Variants in DUSP22 observed in about 807,000 individuals in gnomAD.
DUSP22 encodes the protein dual specificity protein phosphatase 22.
In DUSP22, 24 loss-of-function variants were observed where a neutral mutation model predicts 24.5. The observed-to-expected ratio is 0.98, with a 90% confidence interval of 0.71 to 1.38. DUSP22 has a LOEUF of 1.38. DUSP22 is among the 40% of genes most tolerant of loss of function. The pLI is 0.00. For synonymous variants in DUSP22, 160 were observed against 106.4 expected (o/e 1.50, Z -3.10); for missense variants, 330 against 269.2 (o/e 1.23, Z -1.58).
chr6:309,459 C>G (rs1278731753), intron 2 of DUSP22, among the ~76,000 whole-genome samples: 1 of 152,304 alleles, frequency 6.6e-6, no homozygotes, highest in Non-Finnish European at 1.5e-5. Context: ...GAATTTGAAG[C>G]CTGAGAGGTT....
At chr6:337,635 T>C (rs1477559336) in intron 4 of DUSP22, among the ~76,000 whole-genome samples, 1 of 152,298 alleles carries the variant, frequency 6.6e-6, no homozygotes, top group Non-Finnish European at 1.5e-5. Flanking sequence ...CTTTTTAAAA[T>C]ACGTATAGAT....
intron 3 of DUSP22, among the ~76,000 whole-genome samples, chr6:330,187 C>T (rs925008459): frequency 6.6e-5 from 10 of 152,412 alleles, no homozygotes; most frequent in East Asian, 3.9e-4. Flanking sequence ...GATGAGAAAC[C>T]GGGGCTTCTA....
chr6:301,884 G>A (rs1757596011), intron 1 of DUSP22, among the ~76,000 whole-genome samples: 1 of 152,302 alleles, frequency 6.6e-6, no homozygotes, highest in Non-Finnish European at 1.5e-5. Flanking sequence ...ACATTAGAAT[G>A]TAGAGACGGT....
chr6:343,060 G>T (rs997054424), intron 4 of DUSP22, among the ~76,000 whole-genome samples: 15 of 150,506 alleles, frequency 1.0e-4, no homozygotes, highest in Non-Finnish European at 1.9e-4. Flanking sequence ...TTGGCTTTGC[G>T]GCCTGGCTGT....
At position 349,815 on chromosome 6, in the gene DUSP22, A is replaced by T. The variant is rs2127425244; in HGVS notation, c.*864A>T. On this transcript the variant is annotated 3_prime_UTR_variant, in exon 7 of 7. Transcript: ENST00000419235. ...GTTCTACTTGGTGTTTGTTCTCTGG[A>T]GCTGATTGCACTTGAGCTCTGTGGT... 2.0e-6 allele frequency: 2 copies of T among 985,904 alleles called. No homozygotes were observed. The highest frequency in any genetic ancestry group is 3.5e-5 in the African/African-American group (2 of 57,406). 61.1% of individuals were successfully genotyped at this position (985,904 alleles called of 1,614,324 possible).
chr6:317,592 T>C (rs1758391142), intron 3 of DUSP22, among the ~76,000 whole-genome samples: 1 of 152,302 alleles, frequency 6.6e-6, no homozygotes, highest in Non-Finnish European at 1.5e-5. Flanking sequence ...GTACTCTCAG[T>C]TGGGCCATGA....
chr6:308,549 T>C (rs991315791), intron 2 of DUSP22, among the ~76,000 whole-genome samples: 1 of 152,306 alleles, frequency 6.6e-6, no homozygotes, highest in Non-Finnish European at 1.5e-5. Context: ...AGTGCTTCCC[T>C]GTGCTTTGGA....
chr6:311,742 A>T, intron 2 of DUSP22, 138 bp from the exon 3 acceptor site: 2 of 898,732 alleles, frequency 2.2e-6, no homozygotes, highest in Non-Finnish European at 3.3e-6. Flanking sequence ...TAAGTTTCCT[A>T]CATGTATGGT....
intron 3 of DUSP22, among the ~76,000 whole-genome samples, chr6:333,410 C>G (rs971219892): frequency 5.3e-5 from 8 of 152,308 alleles, no homozygotes; most frequent in Non-Finnish European, 1.2e-4. Context: ...TGATTTAAAG[C>G]TGGAAACAAA....
intron 1 of DUSP22, among the ~76,000 whole-genome samples, chr6:297,995 C>G (rs1251715305): frequency 6.6e-6 from 1 of 152,306 alleles, no homozygotes; most frequent in African/African-American, 2.4e-5. Flanking sequence ...CCATGCAGAT[C>G]AGTCCCAGGC....
rs761403779 is a variant in DUSP22, at chr6:348,808, T to C, written c.475T>C (p.Leu159=). The change falls in exon 7 of 7, where the codon TTG becomes CTG. Residue 159 remains leucine, a synonymous_variant. Coordinates refer to ENST00000419235, the MANE Select transcript of DUSP22 (RefSeq NM_001286555.3). ...GAAGGAAGAATATGGAGAGAGCCCT[T>C]TGCAGGATGCAGAAGAAGCCAAAAA... is the stretch of plus-strand genomic sequence containing the variant. ...WLKEEYGESP[L]QDAEEAKNIL... The C allele has an allele frequency of 6.2e-7, 1 of 1,614,314 alleles. No individual in the cohort carries two copies. Among genetic ancestry groups the C allele is most frequent in the Non-Finnish European group, 8.5e-7 (1 of 1,180,058 alleles).
chr6:329,084 T>C (rs1198889181), intron 3 of DUSP22, among the ~76,000 whole-genome samples: 1 of 152,424 alleles, frequency 6.6e-6, no homozygotes, highest in East Asian at 1.9e-4. Flanking sequence ...CATTCTCTTA[T>C]GCTTTCTGTG....
chr6:321,576 G>C (rs1201507015), intron 3 of DUSP22, among the ~76,000 whole-genome samples: 1 of 152,294 alleles, frequency 6.6e-6, no homozygotes, highest in Non-Finnish European at 1.5e-5. Flanking sequence ...CTTCCATAAA[G>C]TGACATAACA....
At chr6:331,845 G>A (rs1759153601) in intron 3 of DUSP22, among the ~76,000 whole-genome samples, 1 of 152,300 alleles carries the variant, frequency 6.6e-6, no homozygotes, top group Non-Finnish European at 1.5e-5. Flanking sequence ...TGACAGTTTT[G>A]ACTCCTTCCT....
chr6:338,754 T>G (rs564318981), intron 4 of DUSP22, among the ~76,000 whole-genome samples: 3 of 152,424 alleles, frequency 2.0e-5, no homozygotes, highest in Admixed American at 2.0e-4. Flanking sequence ...TAAAAATGAA[T>G]GCCAGCTTTG....
intron 3 of DUSP22, among the ~76,000 whole-genome samples, chr6:314,759 C>A (rs1324852407): frequency 1.3e-5 from 2 of 152,300 alleles, no homozygotes; most frequent in African/African-American, 4.8e-5. Flanking sequence ...CCTACTGAGA[C>A]CCCCATGGAA....
chr6:331,832 T>C (rs1052637112), intron 3 of DUSP22, among the ~76,000 whole-genome samples: 13 of 152,300 alleles, frequency 8.5e-5, no homozygotes, highest in Non-Finnish European at 1.2e-4. Context: ...AGCTGAACCT[T>C]TTTGACAGTT....
chr6:349,307 G>A lies in DUSP22; in HGVS notation c.*356G>A, dbSNP rs1380027308. 45 of 1,188,288 alleles carry A rather than the reference G, an allele frequency of 3.8e-5. No individual in the cohort carries two copies. Among genetic ancestry groups the A allele is most frequent in the Non-Finnish European group, 4.6e-5 (44 of 953,258 alleles). 73.6% of individuals were successfully genotyped at this position (1,188,288 alleles called of 1,614,324 possible). On this transcript the variant is annotated 3_prime_UTR_variant, in exon 7 of 7. Transcript: ENST00000419235. ...CACCTAAGTGTGTACATGTGTGTAT[G>A]TTGTGAAAGTGTCTGTGCACATGAA...
intron 5 of DUSP22, among the ~76,000 whole-genome samples, chr6:347,469 GT>G (rs1418110940): frequency 1.3e-5 from 2 of 152,306 alleles, no homozygotes; most frequent in Non-Finnish European, 2.9e-5. Flanking sequence ...GCATGTACAT[GT>G]AAAACGGGTC....
Sources: allele counts gnomAD v4.1 joint callset (sites outside exome capture counted in the v4.1 genomes callset), GRCh38; gene constraint gnomAD v4.1.1; transcripts MANE v1.5; gene names NCBI Gene and HGNC (gene_info 2026-07-23, HGNC 2026-07-21).